Variants in ILKAP observed in about 807,000 individuals in gnomAD.
The protein encoded by ILKAP is integrin-linked kinase-associated serine/threonine phosphatase 2C.
In ILKAP, 11 loss-of-function variants were observed where a neutral mutation model predicts 49.1. The observed-to-expected ratio is 0.22, with a 90% confidence interval of 0.14 to 0.37. The LOEUF is 0.37. Among genes scored for constraint, ILKAP ranks in the 10% least tolerant of loss-of-function variants. The pLI is 1.00. For missense variants in ILKAP, 363 were observed against 510.8 expected, an observed-to-expected ratio of 0.71 and a Z score of 2.79; for synonymous variants, 186 against 192.8, an observed-to-expected ratio of 0.96 and a Z score of 0.29.
rs1574816506 is a variant in ILKAP at position 238,203,564 on chromosome 2, G to C, written c.-11C>G. On this transcript the variant is annotated 5_prime_UTR_variant, in exon 1 of 12. Coordinates refer to ENST00000254654, the MANE Select transcript of ILKAP (RefSeq NM_030768.3). ...CCCGAAGAGGTCCATGGCGGAGGCT[G>C]GGTGGAGGCGGCAGCAGCGACAGAC... 1 of 1,159,366 alleles carries C rather than the reference G, an allele frequency of 8.6e-7. No homozygotes were observed. The highest frequency in any genetic ancestry group is 4.1e-5 in the East Asian group (1 of 24,354). 71.8% of individuals were successfully genotyped at this position (1,159,366 alleles called of 1,614,324 possible).
At chr2:238,190,222 ACTTT>A (rs1694066102) in intron 3 of ILKAP, among the ~76,000 whole-genome samples, 1 of 152,152 alleles carries the variant, frequency 6.6e-6, no homozygotes, top group Admixed American at 6.6e-5. Context: ...TTTGTAAAAG[ACTTT>A]TCCCAGTGGT....
chr2:238,182,758 GT>G (rs1223275142), intron 8 of ILKAP, among the ~76,000 whole-genome samples: 1 of 152,178 alleles, frequency 6.6e-6, no homozygotes, highest in Non-Finnish European at 1.5e-5. Flanking sequence ...TCCTGTCTTT[GT>G]TTTTTTGCCA....
intron 1 of ILKAP, 86 bp downstream of exon 1, chr2:238,203,411 GGC>G: frequency 1.7e-6 from 1 of 586,622 alleles, no homozygotes; most frequent in Non-Finnish European, 2.2e-6. Context: ...TCCCAGCGCG[GGC>G]GCCGCCTCAG....
chr2:238,181,724 G>C (rs977840302), intron 9 of ILKAP, among the ~76,000 whole-genome samples: 1 of 151,378 alleles, frequency 6.6e-6, no homozygotes, highest in Non-Finnish European at 1.5e-5. Context: ...CCAGGTTCAC[G>C]CCATTCTCCT....
chr2:238,200,222 T>C (rs1694513684), intron 1 of ILKAP, among the ~76,000 whole-genome samples: 3 of 152,160 alleles, frequency 2.0e-5, no homozygotes, highest in Non-Finnish European at 4.4e-5. Flanking sequence ...GTAAAATATA[T>C]ACATCTCTCC....
At chr2:238,187,755 C>T (rs1366475642) in intron 5 of ILKAP, among the ~76,000 whole-genome samples, 1 of 152,214 alleles carries the variant, frequency 6.6e-6, no homozygotes, top group Admixed American at 6.5e-5. Flanking sequence ...AGGAGTAACA[C>T]ACGCTGCAGA....
At position 238,184,124 on chromosome 2, in the gene ILKAP, A is replaced by G. The variant is rs768480194; in HGVS notation, c.533-11T>C. The G allele has an allele frequency of 1.9e-5, 27 of 1,421,126 alleles. No homozygotes were observed. The Admixed American group carries it at 4.0e-4, about 21-fold the overall frequency. 88.0% of individuals were successfully genotyped at this position (1,421,126 alleles called of 1,614,324 possible). Reference sequence around the variant, plus strand: ...CACTGATTACATCTCCTATTACAGAAGGGCCAAAAGAAAACAATCTCTCAA... The same window carrying G: ...CACTGATTACATCTCCTATTACAGAGGGGCCAAAAGAAAACAATCTCTCAA... On this transcript the variant is annotated splice_polypyrimidine_tract_variant and intron_variant, in intron 6 of 11. Transcript: ENST00000254654.
At chr2:238,196,392 A>G (rs1232852498) in intron 1 of ILKAP, among the ~76,000 whole-genome samples, 1 of 152,022 alleles carries the variant, frequency 6.6e-6, no homozygotes, top group Non-Finnish European at 1.5e-5. Context: ...TGTCTGGTCT[A>G]ATTTTTGTAT....
chr2:238,187,981 G>T (rs11688732), intron 5 of ILKAP, 150 bp downstream of exon 5: 153,967 of 902,080 alleles, frequency 0.17, 15,037 homozygotes, highest in East Asian at 0.38. Flanking sequence ...CCCTGGGCGG[G>T]GAGCAAAATC....
chr2:238,195,374 T>C (rs1259439790), intron 1 of ILKAP, among the ~76,000 whole-genome samples: 2 of 152,100 alleles, frequency 1.3e-5, no homozygotes, highest in Non-Finnish European at 2.9e-5. Flanking sequence ...TGTTGGAACC[T>C]GGTGTCCCTA....
intron 4 of ILKAP, 26 bp downstream of exon 4, chr2:238,189,827 C>T (rs1694048490): frequency 6.2e-7 from 1 of 1,609,222 alleles, no homozygotes; most frequent in Admixed American, 1.7e-5. Flanking sequence ...AAGTCTAATA[C>T]ATTTGTTTTC....
chr2:238,188,202 C>T lies in ILKAP; in HGVS notation c.354G>A (p.Arg118=), dbSNP rs1234271429. ...TGACGTGGGCATCCTGCATCTCCTCCCTCTCACCCTTCCGCTCAGCCACAT... is the reference window on the plus strand; with the variant it reads ...TGACGTGGGCATCCTGCATCTCCTCTCTCTCACCCTTCCGCTCAGCCACAT... The part of the protein sequence containing the change: ...KGYVAERKGE[R]EEMQDAHVIL... Residue 118 remains arginine (R), a synonymous_variant, in exon 5 of 12, where the codon AGG becomes AGA. Coordinates refer to ENST00000254654, the MANE Select transcript of ILKAP (RefSeq NM_030768.3). 1.2e-6 allele frequency: 2 copies of T among 1,614,052 alleles called. No individual in the cohort carries two copies. The highest frequency in any genetic ancestry group is 1.7e-6 in the Non-Finnish European group (2 of 1,179,988).
At chr2:238,177,454 G>T (rs1693510208) in intron 9 of ILKAP, among the ~76,000 whole-genome samples, 1 of 152,098 alleles carries the variant, frequency 6.6e-6, no homozygotes, top group South Asian at 2.1e-4. Context: ...GACTGAGATT[G>T]TTCCCATTAA....
At chr2:238,182,258 A>C in intron 8 of ILKAP, 72 bp from the exon 9 acceptor site, 1 of 1,559,692 alleles carries the variant, frequency 6.4e-7, no homozygotes, top group Non-Finnish European at 8.8e-7. Context: ...GTTGAAAAAA[A>C]CAGTTAACAA....
chr2:238,182,297 G>A, intron 8 of ILKAP, 111 bp from the exon 9 acceptor site: 1 of 1,295,886 alleles, frequency 7.7e-7, no homozygotes, highest in Non-Finnish European at 1.1e-6. Flanking sequence ...GTTAACAATG[G>A]AGTTTCACAT....
intron 9 of ILKAP, among the ~76,000 whole-genome samples, chr2:238,177,198 G>C (rs879674241): frequency 3.9e-5 from 6 of 152,154 alleles, no homozygotes; most frequent in Admixed American, 3.9e-4. Flanking sequence ...AGAAATACTG[G>C]AAAGAATCAA....
At chr2:238,171,323 G>A (rs1272130391) in intron 10 of ILKAP, among the ~76,000 whole-genome samples, 4 of 151,816 alleles carry the variant, frequency 2.6e-5, no homozygotes, top group Non-Finnish European at 5.9e-5. Flanking sequence ...CCACGCCCGG[G>A]TAATTTTTTG....
intron 3 of ILKAP, 86 bp downstream of exon 3, chr2:238,194,189 C>A (rs920941998): frequency 3.4e-6 from 4 of 1,176,946 alleles, no homozygotes; most frequent in African/African-American, 1.5e-5. Flanking sequence ...TCCAAAATCC[C>A]GTTAAAACCT....
In ILKAP at chr2:238,203,599, G is replaced by C; in HGVS notation, c.-46C>G. 9.1e-7 allele frequency: 1 copy of C among 1,099,972 alleles called. No homozygotes were observed. 68.1% of individuals were successfully genotyped at this position (1,099,972 alleles called of 1,614,324 possible). On this transcript the variant is annotated 5_prime_UTR_variant, in exon 1 of 12. Coordinates refer to ENST00000254654, the MANE Select transcript of ILKAP (RefSeq NM_030768.3). Reference sequence around the variant, plus strand: ...GGCAGCAGCGACAGACACTCAGCCCGCGAGCAGCGGCCGGGCTCCACACCC... The same window carrying C: ...GGCAGCAGCGACAGACACTCAGCCCCCGAGCAGCGGCCGGGCTCCACACCC...
Sources: gnomAD v4.1 joint callset for allele counts (sites outside exome capture counted in the v4.1 genomes callset) on GRCh38, gnomAD v4.1.1 for gene constraint, MANE v1.5 for transcripts, NCBI Gene and HGNC (gene_info 2026-07-23, HGNC 2026-07-21) for gene names.